HIVEP1: variants seen among roughly 807,000 people sequenced by gnomAD.
The protein encoded by HIVEP1 is HIVEP zinc finger 1, also known as zinc finger protein 40.
In HIVEP1, 36 loss-of-function variants were observed where a neutral mutation model predicts 180.0. The ratio of observed to expected loss-of-function variants is 0.20; its 90% CI spans 0.15 to 0.26. HIVEP1 has a LOEUF of 0.26. Among genes scored for constraint, HIVEP1 ranks in the 10% least tolerant of loss-of-function variants. The pLI, the probability that HIVEP1 is intolerant of heterozygous loss-of-function variation, is 1.00. For synonymous variants in HIVEP1, 1,239 were observed against 1,239.0 expected (o/e 1.00, Z 0.00); for missense variants, 3,143 against 3,268.7 (o/e 0.96, Z 0.94).
chr6:12,167,273 G>T (rs903558551), downstream of HIVEP1, among the ~76,000 whole-genome samples: 4 of 151,944 alleles, frequency 2.6e-5, 1 homozygote, highest in African/African-American at 9.7e-5. Flanking sequence ...TGTCAAGATA[G>T]TTAATAGATC....
At chr6:12,036,424 G>T (rs17676598) in intron 2 of HIVEP1, among the ~76,000 whole-genome samples, 29,460 of 152,162 alleles carry the variant, frequency 0.19, 3,133 homozygotes, top group East Asian at 0.25. Flanking sequence ...CTTTTGTTAG[G>T]GTGACAGCAA....
At chr6:12,045,344 C>G (rs550888188) in intron 2 of HIVEP1, among the ~76,000 whole-genome samples, 12 of 152,154 alleles carry the variant, frequency 7.9e-5, no homozygotes, top group Non-Finnish European at 1.5e-5. Context: ...GCTTCTGATA[C>G]GTTAGATTCA....
chr6:12,108,847 G>A (rs971844836), intron 3 of HIVEP1, among the ~76,000 whole-genome samples: 8 of 152,250 alleles, frequency 5.3e-5, no homozygotes, highest in African/African-American at 1.9e-4. Context: ...ACAGTGCAGC[G>A]GTGGGCTGAA....
chr6:12,058,671 G>A (rs1336781504), intron 2 of HIVEP1, among the ~76,000 whole-genome samples: 1 of 152,174 alleles, frequency 6.6e-6, no homozygotes, highest in East Asian at 1.9e-4. Context: ...GATTTTCCAT[G>A]TTTCCTAGGT....
intron 7 of HIVEP1, among the ~76,000 whole-genome samples, chr6:12,147,395 G>C (rs1055824153): frequency 6.6e-6 from 1 of 152,152 alleles, no homozygotes; most frequent in Non-Finnish European, 1.5e-5. Context: ...GTTGTTTAAA[G>C]CTATTGCCCC....
intron 6 of HIVEP1, among the ~76,000 whole-genome samples, chr6:12,134,751 C>G (rs948343815): frequency 6.6e-5 from 10 of 152,172 alleles, no homozygotes; most frequent in African/African-American, 2.2e-4. Flanking sequence ...ATTCAGTGAT[C>G]ACTTGAGGCA....
At chr6:12,203,814 C>T in the HIVEP1 span, among the ~76,000 whole-genome samples, 75 of 152,238 alleles carry the variant, frequency 4.9e-4, no homozygotes, top group East Asian at 8.1e-3. Context: ...CAGTGGCTCA[C>T]GTCTGTAATC....
intron 2 of HIVEP1, among the ~76,000 whole-genome samples, chr6:12,029,744 T>C (rs540008490): frequency 6.6e-6 from 1 of 152,314 alleles, no homozygotes; most frequent in East Asian, 1.9e-4. Flanking sequence ...TATTGTGATA[T>C]ATGCTTAATC....
intron 2 of HIVEP1, among the ~76,000 whole-genome samples, chr6:12,082,111 T>C (rs1039806370): frequency 2.6e-5 from 4 of 152,130 alleles, no homozygotes; most frequent in African/African-American, 9.7e-5. Flanking sequence ...ACTTGCTCCT[T>C]AAAATTTGGA....
rs999237169 is a variant in HIVEP1, at chr6:12,068,751, G to T, written c.41-20433G>T. 3.6e-4 allele frequency among the ~76,000 whole-genome samples: 54 copies of T among 151,916 alleles called. 1 individual carries two copies. The highest frequency in any genetic ancestry group is 1.3e-3 in the African/African-American group (54 of 41,330). On this transcript the variant is annotated intron_variant, in intron 2 of 8. Transcript: ENST00000379388. ...AGACACCCAAGTTTGTTTTTTATTT[G>T]GCTGTCCATATTTACACATATGTTC...
rs531579547 is a variant in HIVEP1, at chr6:12,029,893, T to C, written c.40+14225T>C. Among the ~76,000 whole-genome samples the C allele has an allele frequency of 9.2e-5, 14 of 152,330 alleles. No homozygotes were observed. The East Asian group carries it at 2.7e-3, about 29-fold the overall frequency. ...TACATATTTATTGTTTCTAGCACTC[T>C]CCTCTTCTTCTATGGATTCAGGTTA... On this transcript the variant is annotated intron_variant, in intron 2 of 8. Coordinates refer to ENST00000379388, the MANE Select transcript of HIVEP1 (RefSeq NM_002114.4).
intron 7 of HIVEP1, among the ~76,000 whole-genome samples, chr6:12,156,964 A>AT (rs979869866): frequency 6.6e-6 from 1 of 151,596 alleles, no homozygotes; most frequent in Non-Finnish European, 1.5e-5. Context: ...TTATGGATTT[A>AT]TTTTTTTCAG....
At chr6:12,134,539 G>A (rs1758603729) in intron 6 of HIVEP1, among the ~76,000 whole-genome samples, 1 of 152,170 alleles carries the variant, frequency 6.6e-6, no homozygotes, top group Non-Finnish European at 1.5e-5. Flanking sequence ...CCCGAAATTT[G>A]GACCAATGAT....
In HIVEP1 at chr6:12,108,716, G is replaced by A. The variant is rs533185229; in HGVS notation, c.95-11174G>A. On this transcript the variant is annotated intron_variant, in intron 3 of 8. Transcript: ENST00000379388. ...CCCGCCAAGCCCACGCCCACCCGGA[G>A]CTCCAGCTGGCCTGCAAGCGCCGCG... Among the ~76,000 whole-genome samples the A allele has an allele frequency of 1.9e-4, 29 of 152,290 alleles. No individual in the cohort carries two copies. In the South Asian group the frequency reaches 3.9e-3, roughly 21 times the overall value.
intron 7 of HIVEP1, among the ~76,000 whole-genome samples, chr6:12,145,903 A>G (rs1423903561): frequency 4.6e-5 from 7 of 152,172 alleles, no homozygotes; most frequent in Non-Finnish European, 8.8e-5. Context: ...CTAGAAAAAA[A>G]TCTCTAAAAT....
chr6:12,054,336 A>G (rs1235190429), intron 2 of HIVEP1, among the ~76,000 whole-genome samples: 1 of 152,254 alleles, frequency 6.6e-6, no homozygotes, highest in Non-Finnish European at 1.5e-5. Context: ...AGATCCACAT[A>G]CAGAAGTTAT....
At chr6:12,009,512 C>G (rs988950306), upstream of HIVEP1, among the ~76,000 whole-genome samples, 5 of 152,202 alleles carry the variant, frequency 3.3e-5, no homozygotes, top group Admixed American at 6.5e-5. Flanking sequence ...CCTGCATTGT[C>G]CCAGGATTTT....
chr6:12,186,284 TTAA>T, the HIVEP1 span, among the ~76,000 whole-genome samples: 6 of 150,534 alleles, frequency 4.0e-5, no homozygotes, highest in South Asian at 1.0e-3. Flanking sequence ...ATACATATAA[TTAA>T]TAATAAAATG....
rs1231357524 is a variant in HIVEP1 at position 12,124,441 on chromosome 6, C to T, written c.4646C>T (p.Ser1549Phe). ...GATAAAAATTCTGTTTTATCTGGGT[C>T]TTCTAAAAGTGAGGATTGCTTTGCT... ...KPDKNSVLSG[S>F]SKSEDCFAPK... Residue 1549 changes from serine to phenylalanine, a missense_variant, in exon 4 of 9, where the codon TCT (serine) becomes TTT (phenylalanine). Ser to Phe is a radical substitution (Grantham distance 155). Transcript: ENST00000379388. 6.2e-7 allele frequency: 1 copy of T among 1,614,046 alleles called. No individual in the cohort carries two copies.
Sources: gnomAD v4.1 joint callset for allele counts (sites outside exome capture counted in the v4.1 genomes callset) on GRCh38, gnomAD v4.1.1 for gene constraint, MANE v1.5 for transcripts, NCBI Gene and HGNC (gene_info 2026-07-23, HGNC 2026-07-21) for gene names.